The following AKAP1 variants were observed in gnomAD, a reference collection of about 807,000 sequenced individuals.
The protein encoded by AKAP1 is A-kinase anchoring protein 1, also known as A-kinase anchor protein 1, mitochondrial.
AKAP1 carries 32 observed loss-of-function variants against 79.8 expected under a neutral mutation model. The observed-to-expected ratio is 0.40, with a 90% CI of 0.30 to 0.54. The LOEUF (loss-of-function observed/expected upper bound fraction) is 0.54, where lower values mean the gene tolerates loss of function less well. AKAP1 is among the 20% of genes least tolerant of loss of function. The pLI is 0.47. For synonymous variants in AKAP1, 416 were observed against 466.7 expected (o/e 0.89, Z 1.40); for missense variants, 961 against 1,138.9 (o/e 0.84, Z 2.25).
chr17:57,085,531 C>G (rs919711519), intron 1 of AKAP1, 133 bp downstream of exon 1: 12 of 151,992 alleles, frequency 7.9e-5, no homozygotes, highest in Admixed American at 3.3e-4. Context: ...CGGGACGCTC[C>G]GGACGCAGAG....
rs1382512079 is a variant in AKAP1 at position 57,105,991 on chromosome 17, G to A, written c.527G>A (p.Arg176Lys). ...KQDSPFSRVPRKVQPGYPVVP... is the reference protein window; with the variant it reads ...KQDSPFSRVPKKVQPGYPVVP... Reference sequence around the variant, plus strand: ...GATTCCCCCTTCAGCAGGGTGCCAAGGAAGGTCCAGCCAGGCTACCCCGTA... The same window carrying A: ...GATTCCCCCTTCAGCAGGGTGCCAAAGAAGGTCCAGCCAGGCTACCCCGTA... The change falls in exon 2 of 11, where the codon AGG becomes AAG. Residue 176 changes from arginine (R) to lysine (K), a missense_variant. This residue lies in a region of AKAP1 where 224 missense variants were observed against 210.2 expected (regional missense o/e 1.07). Transcript: ENST00000337714. The A allele has an allele frequency of 6.2e-7, 1 of 1,614,106 alleles. No homozygotes were observed. Among genetic ancestry groups the A allele is most frequent in the Non-Finnish European group, 8.5e-7 (1 of 1,180,046 alleles).
At position 57,086,027 on chromosome 17, in the gene AKAP1, A is replaced by T. The variant is rs1913425112; in HGVS notation, c.-25+629A>T. 1 of 189,238 alleles carries T rather than the reference A, an allele frequency of 5.3e-6. No homozygotes were observed. Among genetic ancestry groups the T allele is most frequent in the African/African-American group, 2.4e-5 (1 of 41,488 alleles). 11.7% of individuals were successfully genotyped at this position (189,238 alleles called of 1,614,324 possible). ...CGGGACATCGGCCGGTTGTGATCCA[A>T]CCGTGTTTCGGGCTGAGGGACCGTT... is the stretch of plus-strand genomic sequence containing the variant. On this transcript the variant is annotated intron_variant, in intron 1 of 10. Coordinates refer to ENST00000337714, the MANE Select transcript of AKAP1 (RefSeq NM_003488.4). The surrounding 1 kb of genome is among the most constrained non-coding windows in gnomAD (Gnocchi z 5.1).
rs199954414 is a variant in AKAP1 at position 57,116,090 on chromosome 17, A to G, written c.2282-21A>G. ...CTGCCCTGGCCCAGGCGTTCCACGC[A>G]CTCTGCTCCCTACCCTGCAGTAACG... On this transcript the variant is annotated intron_variant, in intron 6 of 10. Coordinates refer to ENST00000337714, the MANE Select transcript of AKAP1 (RefSeq NM_003488.4). 1.9e-4 allele frequency: 308 copies of G among 1,608,540 alleles called. 1 individual carries two copies. The African/African-American group carries it at 3.7e-3, about 19-fold the overall frequency.
Position 57,086,436 on chromosome 17 carries a change from T to C in AKAP1, c.-25+1038T>C, listed in dbSNP as rs1382472085. ...GGTGCTGTGGCGACTCGGAACGGCA[T>C]GGGAGCCCTGGGCGTTTCGGGATCT... On this transcript the variant is annotated intron_variant, in intron 1 of 10. Transcript: ENST00000337714. The surrounding 1 kb of genome is among the most constrained non-coding windows in gnomAD (Gnocchi z 5.1). 1 of 456,246 alleles carries C rather than the reference T, an allele frequency of 2.2e-6. No individual in the cohort carries two copies. The highest frequency in any genetic ancestry group is 4.4e-6 in the Non-Finnish European group (1 of 226,792). The allele number at this position is 456,246 out of a possible 1,614,324, so 28.3% of individuals were successfully genotyped here.
chr17:57,089,534 G>A (rs573363716), intron 1 of AKAP1, among the ~76,000 whole-genome samples: 3 of 152,300 alleles, frequency 2.0e-5, no homozygotes, highest in Admixed American at 2.0e-4. Flanking sequence ...GCTAGTGGCT[G>A]CCGTCCTGGT....
chr17:57,112,568 G>C lies in AKAP1; in HGVS notation c.2053G>C (p.Ala685Pro). The C allele has an allele frequency of 1.2e-6, 2 of 1,614,054 alleles. No individual in the cohort carries two copies. The highest frequency in any genetic ancestry group is 1.7e-6 in the Non-Finnish European group (2 of 1,180,014). Residue 685 changes from alanine to proline, a missense_variant, in exon 5 of 11, where the codon GCT becomes CCT. This residue lies in a region of AKAP1 where 629 missense variants were observed against 781.1 expected (regional missense o/e 0.81). Coordinates refer to ENST00000337714, the MANE Select transcript of AKAP1 (RefSeq NM_003488.4). The part of the protein sequence containing the change: ...FKELNLTNIY[A>P]PPLPSLALPS... ...AGAGCTGAACCTCACCAATATCTAC[G>C]CTCCCCCATTGCCTTCACTGGCACT...
intron 2 of AKAP1, among the ~76,000 whole-genome samples, chr17:57,108,975 T>C (rs1915071407): frequency 6.6e-6 from 1 of 152,356 alleles, no homozygotes; most frequent in Middle Eastern, 3.4e-3. Context: ...GGGGTACTTT[T>C]CCCTGCATGA....
Position 57,105,239 on chromosome 17 carries a change from C to T in AKAP1, c.-24-202C>T, listed in dbSNP as rs573989729. On this transcript the variant is annotated intron_variant, in intron 1 of 10. Coordinates refer to ENST00000337714, the MANE Select transcript of AKAP1 (RefSeq NM_003488.4). ...GTTGGGGAGCATGGAGGGGAAGATGCCTCTTCCTGGCCACTGACCCCCAGT... is the reference window on the plus strand; with the variant it reads ...GTTGGGGAGCATGGAGGGGAAGATGTCTCTTCCTGGCCACTGACCCCCAGT... Among the ~76,000 whole-genome samples, 352 of 152,212 alleles carry T rather than the reference C, an allele frequency of 2.3e-3. 3 individuals are homozygous for T. Among genetic ancestry groups the T allele is most frequent in the African/African-American group, 8.0e-3 (333 of 41,532 alleles).
At chr17:57,113,553 C>A (rs1440105549) in intron 5 of AKAP1, among the ~76,000 whole-genome samples, 1 of 146,744 alleles carries the variant, frequency 6.8e-6, no homozygotes, top group East Asian at 2.0e-4. Context: ...ACTCCTGAAT[C>A]AAGAGTTTTT....
Position 57,106,254 on chromosome 17 carries a change from G to T in AKAP1, c.790G>T (p.Ala264Ser). Residue 264 changes from alanine (A) to serine (S), a missense_variant, in exon 2 of 11, where the codon GCA becomes TCA. This residue lies in a region of AKAP1 where 224 missense variants were observed against 210.2 expected (regional missense o/e 1.07). Coordinates refer to ENST00000337714, the MANE Select transcript of AKAP1 (RefSeq NM_003488.4). Reference sequence around the variant, plus strand: ...GCCAGTGCAGGAGGAAGAGTATGTAGCAGAGAAGTTGCCAAGTAGGTTCAT... The same window carrying T: ...GCCAGTGCAGGAGGAAGAGTATGTATCAGAGAAGTTGCCAAGTAGGTTCAT... ...VGPVQEEEYV[A>S]EKLPSRFIES... The T allele has an allele frequency of 6.2e-7, 1 of 1,614,202 alleles. No homozygotes were observed.
At chr17:57,119,106 C>T (rs1163875198) in intron 10 of AKAP1, 62 bp downstream of exon 10, 15 of 1,550,896 alleles carry the variant, frequency 9.7e-6, no homozygotes, top group Non-Finnish European at 1.3e-5. Flanking sequence ...TGATTAGGAG[C>T]TGGTCCTGGG....
chr17:57,097,540 C>T (rs1381203867), intron 1 of AKAP1, among the ~76,000 whole-genome samples: 3 of 152,172 alleles, frequency 2.0e-5, no homozygotes, highest in Admixed American at 6.5e-5. Flanking sequence ...GGGAGTATGC[C>T]TCTGCCTGGC....
rs1230243399 is a variant in AKAP1 at position 57,086,521 on chromosome 17, G to A, written c.-25+1123G>A. Reference sequence around the variant, plus strand: ...TTCCTGCCGCCGTTAACACAAACCCGGTGGACTTCGCTCCAGGTGCGAGTC... The same window carrying A: ...TTCCTGCCGCCGTTAACACAAACCCAGTGGACTTCGCTCCAGGTGCGAGTC... On this transcript the variant is annotated intron_variant, in intron 1 of 10. Transcript: ENST00000337714. The surrounding 1 kb of genome is among the most constrained non-coding windows in gnomAD (Gnocchi z 5.1). 2.2e-6 allele frequency: 1 copy of A among 446,102 alleles called. No individual in the cohort carries two copies. The highest frequency in any genetic ancestry group is 2.5e-5 in the Admixed American group (1 of 40,414). The allele number at this position is 446,102 out of a possible 1,614,324, so 27.6% of individuals were successfully genotyped here.
intron 1 of AKAP1, among the ~76,000 whole-genome samples, chr17:57,090,808 A>G (rs1447882270): frequency 6.6e-6 from 1 of 152,250 alleles, no homozygotes; most frequent in Non-Finnish European, 1.5e-5. Flanking sequence ...GAATAAAAAA[A>G]GCTGTGCCTG....
chr17:57,088,063 G>A (rs1203832040), intron 1 of AKAP1, among the ~76,000 whole-genome samples: 24 of 152,186 alleles, frequency 1.6e-4, no homozygotes, highest in Admixed American at 1.6e-3. Context: ...AGTAGATCCT[G>A]TGGGCATCTT....
At chr17:57,095,528 G>A (rs1009028537) in intron 1 of AKAP1, 1 of 146,732 alleles carries the variant, frequency 6.8e-6, no homozygotes, top group African/African-American at 2.5e-5. Flanking sequence ...AAAGTGCCTC[G>A]AGGGCAGTGC....
intron 1 of AKAP1, among the ~76,000 whole-genome samples, chr17:57,102,659 G>T (rs1039193461): frequency 2.6e-5 from 4 of 151,570 alleles, no homozygotes; most frequent in Non-Finnish European, 4.4e-5. Flanking sequence ...ATTTTTAGTA[G>T]AAACAGGGTT....
chr17:57,114,005 T>TG (rs774638581), intron 5 of AKAP1, among the ~76,000 whole-genome samples: 1 of 152,248 alleles, frequency 6.6e-6, no homozygotes, highest in Admixed American at 6.5e-5. Flanking sequence ...CTAAAGGGCC[T>TG]GGGGCCTGCC....
Position 57,107,153 on chromosome 17 carries a change from G to A in AKAP1, c.1689G>A (p.Met563Ile), listed in dbSNP as rs1223338590. The change falls in exon 2 of 11, where the codon ATG becomes ATA. Residue 563 changes from methionine (M) to isoleucine (I), a missense_variant. By Grantham distance (10) the Met-to-Ile change is conservative. Coordinates refer to ENST00000337714, the MANE Select transcript of AKAP1 (RefSeq NM_003488.4). ...TGGGGGCTGAGGATGGATGGACCAT[G>A]GATGCGGAAGCAGATCATTCAGGAG... Reference protein sequence around the residue: ...SDLGAEDGWTMDAEADHSGGS... With the variant: ...SDLGAEDGWTIDAEADHSGGS... 1.9e-6 allele frequency: 3 copies of A among 1,610,680 alleles called. No individual in the cohort carries two copies. In the African/African-American group the frequency reaches 4.0e-5, roughly 22 times the overall value.
Sources: allele counts gnomAD v4.1 joint callset (sites outside exome capture counted in the v4.1 genomes callset), GRCh38; gene constraint gnomAD v4.1.1; regional missense constraint gnomAD v4.1.1; non-coding constraint Gnocchi (gnomAD v3.1); transcripts MANE v1.5; gene names NCBI Gene and HGNC (gene_info 2026-07-23, HGNC 2026-07-21).